MAGI3: variants seen among roughly 807,000 people sequenced by gnomAD.
The protein encoded by MAGI3 is membrane associated guanylate kinase, WW and PDZ domain containing 3, also known as membrane-associated guanylate kinase, WW and PDZ domain-containing protein 3.
MAGI3 carries 43 observed loss-of-function variants against 121.8 expected under a neutral mutation model. The ratio of observed to expected loss-of-function variants is 0.35; its 90% CI spans 0.28 to 0.46. MAGI3 has a LOEUF of 0.46. Ranked by LOEUF, MAGI3 falls within the 20% of genes least tolerant of loss-of-function variation. The pLI, the probability that MAGI3 is intolerant of heterozygous loss-of-function variation, is 1.00. For synonymous variants in MAGI3, 553 were observed against 639.3 expected, an observed-to-expected ratio of 0.86 and a Z score of 2.04; for missense variants, 1,547 against 1,797.3, an observed-to-expected ratio of 0.86 and a Z score of 2.52.
At chr1:113,665,364 T>A (rs958165029) in intron 16 of MAGI3, among the ~76,000 whole-genome samples, 1 of 151,996 alleles carries the variant, frequency 6.6e-6, no homozygotes, top group East Asian at 1.9e-4. Flanking sequence ...GCTGATGATA[T>A]GTGTGTGTGT....
intron 1 of MAGI3, among the ~76,000 whole-genome samples, chr1:113,406,033 C>G (rs1267886194): frequency 6.6e-6 from 1 of 151,922 alleles, no homozygotes; most frequent in Admixed American, 6.6e-5. Flanking sequence ...ATTCCAGAAG[C>G]CTGGCCTCAA....
At chr1:113,578,273 A>C (rs916594769) in intron 2 of MAGI3, among the ~76,000 whole-genome samples, 8 of 152,232 alleles carry the variant, frequency 5.3e-5, no homozygotes, top group African/African-American at 1.9e-4. Context: ...ACATTAAATT[A>C]ATCAAAGCAT....
At chr1:113,672,572 A>T in intron 17 of MAGI3, 43 bp from the exon 18 acceptor site, 1 of 1,577,434 alleles carries the variant, frequency 6.3e-7, no homozygotes. Context: ...ACTGTTTTTC[A>T]TTTTCTCAGT....
At chr1:113,421,473 A>C (rs80046852) in intron 1 of MAGI3, among the ~76,000 whole-genome samples, 1 of 152,216 alleles carries the variant, frequency 6.6e-6, no homozygotes, top group Non-Finnish European at 1.5e-5. Flanking sequence ...TGCAGACTCT[A>C]AACCGAGGTT....
intron 6 of MAGI3, among the ~76,000 whole-genome samples, chr1:113,611,378 G>A (rs768421161): frequency 3.3e-5 from 5 of 151,964 alleles, no homozygotes; most frequent in African/African-American, 9.7e-5. Context: ...GTGAGTCACC[G>A]TGCCGGCCCA....
chr1:113,644,427 C>T (rs1472230623), intron 11 of MAGI3, among the ~76,000 whole-genome samples: 2 of 152,114 alleles, frequency 1.3e-5, no homozygotes, highest in Non-Finnish European at 2.9e-5. Flanking sequence ...ACTACAGGTG[C>T]ACGCCACCAC....
At chr1:113,453,067 T>C (rs900400589) in intron 1 of MAGI3, among the ~76,000 whole-genome samples, 2 of 152,176 alleles carry the variant, frequency 1.3e-5, no homozygotes, top group Non-Finnish European at 2.9e-5. Flanking sequence ...ATGTTACAAG[T>C]TCTTCATGGG....
At chr1:113,441,840 A>T (rs1653930725) in intron 1 of MAGI3, among the ~76,000 whole-genome samples, 2 of 152,166 alleles carry the variant, frequency 1.3e-5, no homozygotes, top group African/African-American at 4.8e-5. Flanking sequence ...TGAGTACTTC[A>T]TATGTATTAA....
At position 113,391,205 on chromosome 1, in the gene MAGI3, T is replaced by A; in HGVS notation, c.172T>A (p.Cys58Ser). Reference sequence around the variant, plus strand: ...CGAGGAGCCCGGCGGGGGCACCTGCTGCGTCGTCTCGGGCAAGGCGCCCAG... The same window carrying A: ...CGAGGAGCCCGGCGGGGGCACCTGCAGCGTCGTCTCGGGCAAGGCGCCCAG... The part of the protein sequence containing the change: ...LREEPGGGTC[C>S]VVSGKAPSPG... The change falls in exon 1 of 21, where the codon TGC (cysteine) becomes AGC (serine). Residue 58 changes from cysteine (C) to serine (S), a missense_variant. Physicochemically the swap from Cys to Ser is moderately radical, Grantham distance 112. Transcript: ENST00000307546. The surrounding 1 kb of genome is among the most constrained non-coding windows in gnomAD (Gnocchi z 4.4). The A allele has an allele frequency of 3.2e-6, 5 of 1,553,638 alleles. No individual in the cohort carries two copies. The highest frequency in any genetic ancestry group is 3.5e-6 in the Non-Finnish European group (4 of 1,149,096).
chr1:113,604,718 G>A (rs1228664314), intron 6 of MAGI3, among the ~76,000 whole-genome samples: 4 of 151,660 alleles, frequency 2.6e-5, no homozygotes, highest in Non-Finnish European at 5.9e-5. Context: ...AGTGACTCAG[G>A]AATGGAGAAC....
At chr1:113,456,599 AT>A (rs1192906840) in intron 1 of MAGI3, among the ~76,000 whole-genome samples, 6 of 152,362 alleles carry the variant, frequency 3.9e-5, no homozygotes, top group African/African-American at 1.4e-4. Flanking sequence ...TATACATTGA[AT>A]TTAAAAAGTA....
intron 6 of MAGI3, among the ~76,000 whole-genome samples, chr1:113,598,410 C>T (rs1375924620): frequency 6.6e-6 from 1 of 151,958 alleles, no homozygotes; most frequent in Non-Finnish European, 1.5e-5. Flanking sequence ...AATTCACAAA[C>T]CAAATATCTG....
intron 1 of MAGI3, among the ~76,000 whole-genome samples, chr1:113,398,999 G>A (rs137940581): frequency 1.5e-4 from 23 of 152,234 alleles, no homozygotes; most frequent in African/African-American, 5.1e-4. Context: ...AGGCTAAGAA[G>A]AAATTTATTG....
chr1:113,494,310 A>ATGAGAACACGTGGACACGG (rs1553192295), intron 1 of MAGI3, among the ~76,000 whole-genome samples: 1 of 152,164 alleles, frequency 6.6e-6, no homozygotes, highest in Admixed American at 6.5e-5. Context: ...GAGCTAAATG[A>ATGAGAACACGTGGACACGG]TGAGAACACG....
intron 7 of MAGI3, among the ~76,000 whole-genome samples, chr1:113,615,588 A>C (rs921615172): frequency 2.6e-5 from 4 of 152,312 alleles, no homozygotes; most frequent in Middle Eastern, 3.4e-3. Flanking sequence ...TCCTGTTGCA[A>C]CTGTAGTCTT....
At chr1:113,478,316 T>G (rs1366536107) in intron 1 of MAGI3, among the ~76,000 whole-genome samples, 1 of 152,196 alleles carries the variant, frequency 6.6e-6, no homozygotes, top group Non-Finnish European at 1.5e-5. Context: ...GGTGCTCTGA[T>G]TTTTAGAATT....
intron 9 of MAGI3, among the ~76,000 whole-genome samples, chr1:113,638,849 A>T (rs1033886750): frequency 2.6e-5 from 4 of 152,230 alleles, no homozygotes; most frequent in African/African-American, 9.6e-5. Flanking sequence ...GAGCCTACAG[A>T]GGCAGGCAGG....
intron 1 of MAGI3, among the ~76,000 whole-genome samples, chr1:113,477,516 G>T (rs1655890053): frequency 6.6e-6 from 1 of 152,124 alleles, no homozygotes; most frequent in African/African-American, 2.4e-5. Flanking sequence ...GAAATTCTGG[G>T]TTGAAAATTC....
chr1:113,684,183 C>A lies in MAGI3; in HGVS notation c.*169C>A. ...AAGGGCCTTTAGGATTGCTAAGAAC[C>A]AACTGTCCCCCTGGCCGGCTGCCCT... On this transcript the variant is annotated 3_prime_UTR_variant, in exon 21 of 21. Coordinates refer to ENST00000307546, the MANE Select transcript of MAGI3 (RefSeq NM_001142782.2). 1 of 710,960 alleles carries A rather than the reference C, an allele frequency of 1.4e-6. No individual in the cohort carries two copies. The highest frequency in any genetic ancestry group is 2.1e-6 in the Non-Finnish European group (1 of 475,354). 44.0% of individuals were successfully genotyped at this position (710,960 alleles called of 1,614,324 possible). A position where few individuals can be genotyped will look rare whatever the true frequency, so the allele number is the denominator to read the frequency against.
Sources: gnomAD v4.1 joint callset for allele counts (sites outside exome capture counted in the v4.1 genomes callset) on GRCh38, gnomAD v4.1.1 for gene constraint, Gnocchi (gnomAD v3.1) non-coding constraint, MANE v1.5 for transcripts, NCBI Gene and HGNC (gene_info 2026-07-23, HGNC 2026-07-21) for gene names.